The following ADGRG4 variants were observed in gnomAD, a reference collection of about 807,000 sequenced individuals.
The protein encoded by ADGRG4 is G protein-coupled receptor 112.
Under a neutral mutation model 126.2 loss-of-function variants are expected in ADGRG4, and 122 were observed. The ratio of observed to expected loss-of-function variants is 0.97; its 90% confidence interval spans 0.83 to 1.12. The LOEUF is 1.12. Ranked by LOEUF, ADGRG4 falls within the 50% of genes most tolerant of loss-of-function variation. The probability of loss-of-function intolerance (pLI) is 0.00; values close to 1 mark genes in which losing one functional copy is unlikely to be tolerated. For missense variants in ADGRG4, 2,481 were observed against 2,251.8 expected (o/e 1.10, Z -2.06); for synonymous variants, 943 against 838.7 (o/e 1.12, Z -2.15).
At position 136,347,115 on chromosome X, in the gene ADGRG4, A is replaced by T. The variant is rs985850336; in HGVS notation, c.3409A>T (p.Thr1137Ser). ...TLFSTSVDTV[T>S]PSTHTLVCSK... is the part of the protein sequence containing the mutation. The stretch of plus-strand genomic sequence containing the variant: ...TTTCTCTACCTCAGTTGATACAGTA[A>T]CCCCATCTACACACACTCTTGTCTG... The change falls in exon 6 of 26, where the codon ACC becomes TCC. Residue 1137 changes from threonine (T) to serine (S), a missense_variant. Thr to Ser is a moderately conservative substitution (Grantham distance 58). Transcript: ENST00000394143. 5.0e-6 allele frequency: 6 copies of T among 1,207,884 alleles called. No homozygotes were observed. Among genetic ancestry groups the T allele is most frequent in the Non-Finnish European group, 4.5e-6 (4 of 893,563 alleles).
In ADGRG4 at chrX:136,371,556, T is replaced by C; in HGVS notation, c.7613+12T>C. The C allele has an allele frequency of 2.9e-6, 3 of 1,036,226 alleles. No homozygotes were observed. Among genetic ancestry groups the C allele is most frequent in the Non-Finnish European group, 3.9e-6 (3 of 774,100 alleles). The allele number at this position is 1,036,226 out of a possible 1,213,427, so 85.4% of individuals were successfully genotyped here. On this transcript the variant is annotated intron_variant, in intron 14 of 25. Coordinates refer to ENST00000394143, the MANE Select transcript of ADGRG4 (RefSeq NM_153834.4). ...GAAATAAGCAATGAGTAAGTACTAA[T>C]ACTTTGGTGAAAGACATTATTTTTA... is the stretch of plus-strand genomic sequence containing the variant.
rs1175254295 is a variant in ADGRG4, at chrX:136,395,425, G to C, written c.8116G>C (p.Val2706Leu). ...TGGATGGAATTCGTCAGGCTGTAAA[G>C]TAAAGGAAACAAATGTAAATTACAC... ...LGGWNSSGCK[V>L]KETNVNYTIC... The change falls in exon 19 of 26, where the codon GTA becomes CTA. Residue 2706 changes from valine to leucine, a missense_variant. Val to Leu is a conservative substitution (Grantham distance 32). Coordinates refer to ENST00000394143, the MANE Select transcript of ADGRG4 (RefSeq NM_153834.4). 8.3e-7 allele frequency: 1 copy of C among 1,205,098 alleles called. No individual in the cohort carries two copies. The highest frequency in any genetic ancestry group is 1.1e-6 in the Non-Finnish European group (1 of 889,960).
Position 136,323,130 on chromosome X carries a change from G to T in ADGRG4, c.423G>T (p.Arg141Ser). The change falls in exon 5 of 26, where the codon AGG becomes AGT. Residue 141 changes from arginine (R) to serine (S), a missense_variant. By Grantham distance (110) the Arg-to-Ser change is moderately radical. Transcript: ENST00000394143. ...GKLELFLNKE[R>S]ILEVTDQPHN... The stretch of plus-strand genomic sequence containing the variant: ...TAGAACTCTTCCTGAATAAAGAAAG[G>T]ATACTGGAAGTAACGGATCAACCAC... 8.3e-7 allele frequency: 1 copy of T among 1,209,802 alleles called. No individual in the cohort carries two copies. The highest frequency in any genetic ancestry group is 1.8e-5 in the South Asian group (1 of 56,762).
At chrX:136,407,159 C>T (rs1339746089) in intron 23 of ADGRG4, among the ~76,000 whole-genome samples, 1 of 110,800 alleles carries the variant, frequency 9.0e-6, no homozygotes, top group Non-Finnish European at 1.9e-5. Flanking sequence ...GTGCTCTCCA[C>T]TATTTTTTTT....
At position 136,405,899 on chromosome X, in the gene ADGRG4, G is replaced by T; in HGVS notation, c.8862G>T (p.Gly2954=). Residue 2954 remains glycine, a synonymous_variant, in exon 23 of 26, where the codon GGG becomes GGT. Transcript: ENST00000394143. ...SLTFLLGLTW[G]FAFFAWGPMR... is the part of the protein sequence containing the mutation. ...CATTCTTACTTGGCCTCACCTGGGGGTTTGCATTTTTTGCTTGGGGACCCA... is the reference window on the plus strand; with the variant it reads ...CATTCTTACTTGGCCTCACCTGGGGTTTTGCATTTTTTGCTTGGGGACCCA... 8.5e-7 allele frequency: 1 copy of T among 1,180,723 alleles called. No individual in the cohort carries two copies. Among genetic ancestry groups the T allele is most frequent in the African/African-American group, 1.8e-5 (1 of 56,637 alleles).
rs1321746420 is a variant in ADGRG4 at position 136,348,913 on chromosome X, C to T, written c.5207C>T (p.Ala1736Val). 3 of 1,203,444 alleles carry T rather than the reference C, an allele frequency of 2.5e-6. No individual in the cohort carries two copies. In the East Asian group the frequency reaches 8.9e-5, roughly 36 times the overall value. ...ACTGTGAACAGTGGTACAGGGGTAGCTCTCACAGATACTTATTCCAGAATC... is the reference window on the plus strand; with the variant it reads ...ACTGTGAACAGTGGTACAGGGGTAGTTCTCACAGATACTTATTCCAGAATC... ...LSTVNSGTGV[A>V]LTDTYSRITV... Residue 1736 changes from alanine to valine, a missense_variant, in exon 6 of 26, where the codon GCT becomes GTT. Ala to Val is a moderately conservative substitution (Grantham distance 64, BLOSUM62 0). Coordinates refer to ENST00000394143, the MANE Select transcript of ADGRG4 (RefSeq NM_153834.4).
At chrX:136,384,492 A>T (rs2075283182) in intron 15 of ADGRG4, among the ~76,000 whole-genome samples, 1 of 111,540 alleles carries the variant, frequency 9.0e-6, no homozygotes, top group Non-Finnish European at 1.9e-5. Context: ...ATTTACCTAG[A>T]TATGTATTAT....
chrX:136,405,739 A>AT lies in ADGRG4; in HGVS notation c.8707dup (p.Cys2903LeufsTer36), dbSNP rs1317326898. Reference sequence around the variant, plus strand: ...ATCTTTTACATCTCAGTGGTGGCTTATTTTTGCCTCATATTTCTCATGAAT... The same window carrying AT: ...ATCTTTTACATCTCAGTGGTGGCTTATTTTTTGCCTCATATTTCTCATGAAT... On this transcript the variant is annotated frameshift_variant, in exon 23 of 26. Transcript: ENST00000394143. LOFTEE classifies it high-confidence loss of function. The AT allele has an allele frequency of 8.4e-7, 1 of 1,191,311 alleles. No individual in the cohort carries two copies. Among genetic ancestry groups the AT allele is most frequent in the East Asian group, 3.0e-5 (1 of 33,411 alleles).
chrX:136,411,017 A>G (rs1249306686), intron 23 of ADGRG4, among the ~76,000 whole-genome samples: 2 of 111,427 alleles, frequency 1.8e-5, no homozygotes, highest in Non-Finnish European at 3.8e-5. Flanking sequence ...CCTACCCCCA[A>G]CTGCAGGAAA....
intron 23 of ADGRG4, among the ~76,000 whole-genome samples, chrX:136,406,380 G>C (rs111405750): frequency 0.026 from 2,948 of 111,967 alleles, 97 homozygotes; most frequent in African/African-American, 0.089. Flanking sequence ...GAAAGAGCCA[G>C]GCTAGACTAT....
chrX:136,340,639 G>C (rs1286026233), intron 5 of ADGRG4, among the ~76,000 whole-genome samples: 1 of 111,185 alleles, frequency 9.0e-6, no homozygotes, highest in African/African-American at 3.3e-5. Flanking sequence ...TTTCTCCTCA[G>C]ATTGGGGTGT....
intron 16 of ADGRG4, among the ~76,000 whole-genome samples, chrX:136,389,218 C>T (rs1342046126): frequency 8.9e-6 from 1 of 111,852 alleles, no homozygotes; most frequent in African/African-American, 3.3e-5. Context: ...CTCTGCTCTC[C>T]TTCCTGCCTC....
intron 16 of ADGRG4, among the ~76,000 whole-genome samples, chrX:136,391,958 G>T (rs1301618650): frequency 8.9e-6 from 1 of 112,471 alleles, no homozygotes; most frequent in Non-Finnish European, 1.9e-5. Flanking sequence ...TGTTGCTAGT[G>T]CAGTACTGAG....
At chrX:136,391,724 C>T (rs1286970971) in intron 16 of ADGRG4, among the ~76,000 whole-genome samples, 2 of 112,314 alleles carry the variant, frequency 1.8e-5, no homozygotes, top group Non-Finnish European at 3.8e-5. Flanking sequence ...CCTAAGAAGG[C>T]GATGACTGTC....
intron 15 of ADGRG4, among the ~76,000 whole-genome samples, chrX:136,384,236 T>C (rs2075281797): frequency 9.0e-6 from 1 of 110,594 alleles, no homozygotes; most frequent in Admixed American, 9.7e-5. Context: ...ATGGTTGCTC[T>C]AGAGATTATA....
chrX:136,392,168 T>C (rs772638443), intron 16 of ADGRG4, 64 bp from the exon 17 acceptor site: 10 of 970,724 alleles, frequency 1.0e-5, no homozygotes, highest in Non-Finnish European at 1.3e-5. Context: ...AATTCCAGAT[T>C]GATTATTAAT....
intron 9 of ADGRG4, among the ~76,000 whole-genome samples, chrX:136,357,411 T>C (rs1220765081): frequency 8.9e-6 from 1 of 112,249 alleles, no homozygotes; most frequent in African/African-American, 3.2e-5. Flanking sequence ...AAGGCTTAGA[T>C]TCTGCTCCTA....
At position 136,405,826 on chromosome X, in the gene ADGRG4, C is replaced by T; in HGVS notation, c.8789C>T (p.Thr2930Ile). The T allele has an allele frequency of 8.3e-7, 1 of 1,210,790 alleles. No homozygotes were observed. The highest frequency in any genetic ancestry group is 1.8e-5 in the South Asian group (1 of 56,758). The change falls in exon 23 of 26, where the codon ACT becomes ATT. Residue 2930 changes from threonine to isoleucine, a missense_variant. Transcript: ENST00000394143. ...TCTGTGAAATCCCAAATCCAGAAGA[C>T]TCGGCGGAAGATGATCCTGCATGAC... ...LNSVKSQIQK[T>I]RRKMILHDLK...
intron 5 of ADGRG4, among the ~76,000 whole-genome samples, chrX:136,330,646 G>A (rs763077141): frequency 1.8e-5 from 2 of 110,900 alleles, no homozygotes; most frequent in Non-Finnish European, 3.8e-5. Flanking sequence ...AAATGCCTTG[G>A]CTTGGCTGTA....
Sources: gnomAD v4.1 joint callset for allele counts (sites outside exome capture counted in the v4.1 genomes callset) on GRCh38, gnomAD v4.1.1 for gene constraint, MANE v1.5 for transcripts, NCBI Gene and HGNC (gene_info 2026-07-23, HGNC 2026-07-21) for gene names.